Variants in UPP2 observed in about 807,000 individuals in gnomAD.
UPP2 encodes UPase 2.
A neutral mutation model predicts 26.7 loss-of-function variants in UPP2; 23 were observed. The observed-to-expected ratio is 0.86, with a 90% CI of 0.62 to 1.22. The LOEUF is 1.22. Among genes scored for constraint, UPP2 ranks in the 50% most tolerant of loss-of-function variants. The pLI, the probability that UPP2 is intolerant of heterozygous loss-of-function variation, is 0.00. For missense variants in UPP2, 387 were observed against 396.7 expected (o/e 0.98, Z 0.21); for synonymous variants, 127 against 141.3 (o/e 0.90, Z 0.72).
chr2:158,043,936 C>T (rs1684115454), intron 3 of UPP2, among the ~76,000 whole-genome samples: 1 of 152,200 alleles, frequency 6.6e-6, no homozygotes, highest in South Asian at 2.1e-4. Context: ...TTCCTCATTT[C>T]CAGTATGTAC....
In UPP2 at chr2:158,006,081, A is replaced by G. The variant is rs566796734; in HGVS notation, c.62-9720A>G. Reference sequence around the variant, plus strand: ...GTCTGGGCTGTTAGTCCTAAAGGGCAGTAAGTAGAGGAGAGTTCAGCCTAC... The same window carrying G: ...GTCTGGGCTGTTAGTCCTAAAGGGCGGTAAGTAGAGGAGAGTTCAGCCTAC... On this transcript the variant is annotated intron_variant, in intron 2 of 9. Coordinates refer to the UPP2 transcript ENST00000605860. Among the ~76,000 whole-genome samples the G allele has an allele frequency of 9.2e-5, 14 of 152,328 alleles. 1 individual carries two copies. The highest frequency in any genetic ancestry group is 3.1e-4 in the African/African-American group (13 of 41,586).
At chr2:158,083,177 AC>A (rs1381140295) in intron 3 of UPP2, among the ~76,000 whole-genome samples, 1 of 152,158 alleles carries the variant, frequency 6.6e-6, no homozygotes, top group African/African-American at 2.4e-5. Context: ...AATCAGAAAT[AC>A]CATTTGACCC....
rs75924410 is a variant in UPP2 at position 157,995,627 on chromosome 2, T to TA, written c.61+377dup. On this transcript the variant is annotated intron_variant, in intron 2 of 9. Transcript: ENST00000605860. The stretch of plus-strand genomic sequence containing the variant: ...AACGATCCCTTTAATACATAATTTT[T>TA]AAAAAAAAATAGAAAAAAATTGAAA... Among the ~76,000 whole-genome samples, 541 of 151,130 alleles carry TA rather than the reference T, an allele frequency of 3.6e-3. 3 individuals carry two copies. Among genetic ancestry groups the TA allele is most frequent in the Admixed American group, 5.8e-3 (88 of 15,152 alleles).
intron 3 of UPP2, among the ~76,000 whole-genome samples, chr2:158,080,030 C>A (rs1054887782): frequency 2.0e-5 from 3 of 152,102 alleles, no homozygotes; most frequent in Admixed American, 1.3e-4. Context: ...CTGGTCTTAG[C>A]CCCTTGACTC....
rs147121456 is a variant in UPP2 at position 158,093,069 on chromosome 2, C to T, written c.148-8971C>T. 7.2e-5 allele frequency among the ~76,000 whole-genome samples: 11 copies of T among 152,038 alleles called. No individual in the cohort carries two copies. The East Asian group carries it at 9.7e-4, about 13-fold the overall frequency. Reference sequence around the variant, plus strand: ...CCCAGAAGTAGGGACTACAGGTGCACGCCATCATGACTGGCTAATTCTTGT... The same window carrying T: ...CCCAGAAGTAGGGACTACAGGTGCATGCCATCATGACTGGCTAATTCTTGT... On this transcript the variant is annotated intron_variant, in intron 3 of 9. Coordinates refer to the UPP2 transcript ENST00000605860.
chr2:158,110,979 T>C (rs1156996262), intron 2 of UPP2, among the ~76,000 whole-genome samples: 1 of 152,256 alleles, frequency 6.6e-6, no homozygotes, highest in Non-Finnish European at 1.5e-5. Context: ...CTGATGGTAG[T>C]TTCTTTTGCT....
At chr2:158,020,195 C>T (rs758592400) in intron 3 of UPP2, among the ~76,000 whole-genome samples, 23 of 152,162 alleles carry the variant, frequency 1.5e-4, no homozygotes, top group Non-Finnish European at 2.9e-4. Flanking sequence ...CCTTGAGGAG[C>T]GAGTGTTTTC....
rs531837027 is a variant in UPP2 at position 158,032,433 on chromosome 2, G to A, written c.147+16547G>A. Among the ~76,000 whole-genome samples the A allele has an allele frequency of 7.9e-5, 12 of 152,270 alleles. No individual in the cohort carries two copies. The South Asian group carries it at 2.1e-3, about 26-fold the overall frequency. On this transcript the variant is annotated intron_variant, in intron 3 of 9. Coordinates refer to the UPP2 transcript ENST00000605860. ...CAAAGAGCTTACCTCTGAGGGGCCT[G>A]TGGTCTTCCAGAACAAAGGCTGCCT...
At chr2:158,005,741 C>T (rs543380597) in intron 2 of UPP2, among the ~76,000 whole-genome samples, 2 of 152,136 alleles carry the variant, frequency 1.3e-5, no homozygotes, top group Non-Finnish European at 2.9e-5. Flanking sequence ...AAGTTGAGTG[C>T]TTGACACTGC....
chr2:158,102,056 T>C lies in UPP2; in HGVS notation c.-8T>C. The C allele has an allele frequency of 1.9e-6, 3 of 1,613,308 alleles. No homozygotes were observed. The highest frequency in any genetic ancestry group is 2.5e-6 in the Non-Finnish European group (3 of 1,179,642). On this transcript the variant is annotated 5_prime_UTR_variant, in exon 1 of 7. Coordinates refer to ENST00000005756, the MANE Select transcript of UPP2 (RefSeq NM_173355.4). ...CAATTTAAGGTGACTTTTCACATAG[T>C]AGAGAGAATGGCTTCAGTTATACCT...
intron 2 of UPP2, among the ~76,000 whole-genome samples, chr2:158,010,747 T>A (rs1683562519): frequency 6.8e-6 from 1 of 147,968 alleles, no homozygotes; most frequent in Non-Finnish European, 1.5e-5. Flanking sequence ...GAGAGCATCA[T>A]TAGCTCCCTC....
chr2:158,050,555 T>C (rs1682134945), intron 3 of UPP2, among the ~76,000 whole-genome samples: 1 of 151,560 alleles, frequency 6.6e-6, no homozygotes, highest in South Asian at 2.1e-4. Context: ...CCAAGCTACT[T>C]AGGAGGCTGA....
chr2:158,077,631 A>G (rs1280668008), intron 3 of UPP2, among the ~76,000 whole-genome samples: 1 of 152,174 alleles, frequency 6.6e-6, no homozygotes, highest in Non-Finnish European at 1.5e-5. Context: ...ATATATAAAA[A>G]TCAAATCAAA....
intron 3 of UPP2, among the ~76,000 whole-genome samples, chr2:158,020,144 C>T (rs563404249): frequency 1.3e-5 from 2 of 152,188 alleles, no homozygotes; most frequent in South Asian, 4.1e-4. Context: ...TAAAAAAAGC[C>T]TTATTAAGCA....
chr2:158,049,208 G>T (rs1682105720), intron 3 of UPP2, among the ~76,000 whole-genome samples: 1 of 152,342 alleles, frequency 6.6e-6, no homozygotes, highest in African/African-American at 2.4e-5. Context: ...GAGACATAGA[G>T]TTCAAAAGCA....
chr2:158,125,996 TCAACATGTTGC>T (rs1683685809), intron 6 of UPP2, among the ~76,000 whole-genome samples: 1 of 152,200 alleles, frequency 6.6e-6, no homozygotes, highest in Non-Finnish European at 1.5e-5. Flanking sequence ...TGCCGAGTTA[TCAACATGTTGC>T]CTTCATGAAA....
chr2:158,112,582 A>T (rs1254986985), intron 2 of UPP2, among the ~76,000 whole-genome samples: 2 of 152,126 alleles, frequency 1.3e-5, no homozygotes, highest in African/African-American at 4.8e-5. Context: ...CACAAGCAAT[A>T]AAATAAAAAT....
upstream of UPP2, among the ~76,000 whole-genome samples, chr2:158,096,963 G>A (rs915455806): frequency 6.6e-6 from 1 of 152,010 alleles, no homozygotes; most frequent in African/African-American, 2.4e-5. Context: ...ATCTTCAACT[G>A]TACATGGATT....
chr2:158,101,032 C>T (rs1421388454), upstream of UPP2, among the ~76,000 whole-genome samples: 2 of 152,162 alleles, frequency 1.3e-5, no homozygotes, highest in Non-Finnish European at 2.9e-5. Flanking sequence ...GAAAGAAATC[C>T]AAGCATATTA....
Sources: allele counts gnomAD v4.1 joint callset (sites outside exome capture counted in the v4.1 genomes callset), GRCh38; gene constraint gnomAD v4.1.1; transcripts MANE v1.5; gene names NCBI Gene and HGNC (gene_info 2026-07-23, HGNC 2026-07-21).